PRKG1: variants seen among roughly 807,000 people sequenced by gnomAD.
PRKG1 encodes cGMP-dependent protein kinase 1.
A neutral mutation model predicts 88.1 loss-of-function variants in PRKG1; 35 were observed. That is an observed-to-expected ratio of 0.40 (90% CI 0.30 to 0.53). PRKG1 has a LOEUF of 0.53. Among genes scored for constraint, PRKG1 ranks in the 20% least tolerant of loss-of-function variants. PRKG1 has a pLI of 0.59. For synonymous variants in PRKG1, 303 were observed against 292.5 expected (o/e 1.04, Z -0.37); for missense variants, 540 against 839.8 (o/e 0.64, Z 4.41).
At chr10:51,397,595 T>A (rs974064157) in intron 2 of PRKG1, among the ~76,000 whole-genome samples, 1 of 152,184 alleles carries the variant, frequency 6.6e-6, no homozygotes, top group Non-Finnish European at 1.5e-5. Context: ...TGACCTCCTT[T>A]GACTATTTTC....
intron 9 of PRKG1, among the ~76,000 whole-genome samples, chr10:52,246,492 C>T (rs1841025170): frequency 6.6e-6 from 1 of 152,022 alleles, no homozygotes; most frequent in Non-Finnish European, 1.5e-5. Context: ...TTTAGAGCCT[C>T]CTTTGGTGAA....
intron 1 of PRKG1, among the ~76,000 whole-genome samples, chr10:51,021,359 A>G (rs1317241371): frequency 6.6e-6 from 1 of 152,192 alleles, no homozygotes; most frequent in Non-Finnish European, 1.5e-5. Context: ...CAATTTTACC[A>G]AAGAATAGCC....
At chr10:51,862,883 G>C (rs181750176) in intron 4 of PRKG1, among the ~76,000 whole-genome samples, 1 of 152,068 alleles carries the variant, frequency 6.6e-6, no homozygotes, top group South Asian at 2.1e-4. Flanking sequence ...ACAGTGCCTG[G>C]CCTATGTAAG....
chr10:51,514,621 T>C (rs771437910), intron 3 of PRKG1, among the ~76,000 whole-genome samples: 28 of 152,224 alleles, frequency 1.8e-4, no homozygotes, highest in Non-Finnish European at 3.4e-4. Flanking sequence ...TATCAAATTA[T>C]GTGGCAAGGT....
chr10:51,436,278 G>T (rs898898087), intron 2 of PRKG1, among the ~76,000 whole-genome samples: 1 of 151,722 alleles, frequency 6.6e-6, no homozygotes, highest in Admixed American at 6.6e-5. Context: ...GAAAGGGCAA[G>T]CGTAAGGATA....
chr10:51,309,033 C>A (rs1195963364), intron 2 of PRKG1, among the ~76,000 whole-genome samples: 2 of 152,076 alleles, frequency 1.3e-5, no homozygotes, highest in Non-Finnish European at 2.9e-5. Flanking sequence ...AAAAAGACAG[C>A]CAAGCAGGAA....
At chr10:52,071,561 T>G in intron 7 of PRKG1, among the ~76,000 whole-genome samples, 1 of 152,010 alleles carries the variant, frequency 6.6e-6, no homozygotes, top group East Asian at 1.9e-4. Flanking sequence ...TCTTTGAAAC[T>G]TTCTGTTAGT....
chr10:51,700,730 A>T (rs10998976), intron 3 of PRKG1, among the ~76,000 whole-genome samples: 19,776 of 152,160 alleles, frequency 0.13, 1,939 homozygotes, highest in African/African-American at 0.27. Flanking sequence ...TATTGAATAT[A>T]TGAAATGAAG....
At chr10:51,115,122 TGA>T (rs1357733121) in intron 1 of PRKG1, among the ~76,000 whole-genome samples, 2 of 151,314 alleles carry the variant, frequency 1.3e-5, no homozygotes, top group African/African-American at 4.9e-5. Context: ...GAGACTAGCC[TGA>T]CCAACATGGT....
chr10:51,441,762 T>C (rs1322304002), intron 2 of PRKG1, among the ~76,000 whole-genome samples: 1 of 152,032 alleles, frequency 6.6e-6, no homozygotes, highest in Non-Finnish European at 1.5e-5. Context: ...TGAGTGTCTA[T>C]TTCAACTCTA....
intron 1 of PRKG1, among the ~76,000 whole-genome samples, chr10:51,008,157 G>A (rs1416692115): frequency 6.6e-6 from 1 of 152,178 alleles, no homozygotes; most frequent in Non-Finnish European, 1.5e-5. Flanking sequence ...ACTGTAGTAC[G>A]TATAAACATC....
intron 7 of PRKG1, among the ~76,000 whole-genome samples, chr10:52,067,583 C>A (rs545570073): frequency 6.6e-6 from 1 of 152,032 alleles, no homozygotes; most frequent in East Asian, 1.9e-4. Context: ...ATAGTAGAGT[C>A]ATAAATTGAG....
At chr10:52,052,214 T>C (rs914966293) in intron 5 of PRKG1, among the ~76,000 whole-genome samples, 2 of 152,098 alleles carry the variant, frequency 1.3e-5, no homozygotes, top group African/African-American at 4.8e-5. Flanking sequence ...GGAGCTATTA[T>C]GAGATTTTAC....
At chr10:52,156,367 G>T (rs1178065760) in intron 8 of PRKG1, among the ~76,000 whole-genome samples, 3 of 151,880 alleles carry the variant, frequency 2.0e-5, no homozygotes, top group Middle Eastern at 3.4e-3. Context: ...ATAAGTCTTT[G>T]TGTCTTATCT....
chr10:52,211,405 CAT>C (rs1329667376), intron 9 of PRKG1, among the ~76,000 whole-genome samples: 1 of 152,126 alleles, frequency 6.6e-6, no homozygotes, highest in African/African-American at 2.4e-5. Flanking sequence ...GTTAAATCTT[CAT>C]AATCCAATGA....
chr10:52,051,953 A>T (rs1456637961), intron 5 of PRKG1, among the ~76,000 whole-genome samples: 4 of 146,054 alleles, frequency 2.7e-5, no homozygotes, highest in Non-Finnish European at 5.9e-5. Flanking sequence ...CGTGGAAGGA[A>T]GTATCAAGAG....
chr10:52,242,250 A>G (rs1402053080), intron 9 of PRKG1: 1 of 152,162 alleles, frequency 6.6e-6, no homozygotes, highest in Admixed American at 6.5e-5. Flanking sequence ...GTCTACAATA[A>G]AAAGCAAACA....
chr10:51,673,007 A>G (rs1840622279), intron 3 of PRKG1, among the ~76,000 whole-genome samples: 3 of 152,148 alleles, frequency 2.0e-5, no homozygotes. Context: ...TCTTTCATTC[A>G]CCATGTGTCT....
chr10:51,387,079 T>G (rs1304312439), intron 2 of PRKG1, among the ~76,000 whole-genome samples: 3 of 152,062 alleles, frequency 2.0e-5, no homozygotes, highest in African/African-American at 7.2e-5. Context: ...GGTACTTATA[T>G]AGTTTTAATT....
Sources: allele counts gnomAD v4.1 joint callset (sites outside exome capture counted in the v4.1 genomes callset), GRCh38; gene constraint gnomAD v4.1.1; transcripts MANE v1.5; gene names NCBI Gene and HGNC (gene_info 2026-07-23, HGNC 2026-07-21).